The following KCNN3 variants were observed in gnomAD, a reference collection of about 807,000 sequenced individuals.
KCNN3 encodes potassium calcium-activated channel subfamily N member 3.
KCNN3 carries 16 observed loss-of-function variants against 62.9 expected under a neutral mutation model. The observed-to-expected ratio is 0.25, with a 90% CI of 0.17 to 0.39. The LOEUF is 0.39. Among genes scored for constraint, KCNN3 ranks in the 10% least tolerant of loss-of-function variants. The probability of loss-of-function intolerance (pLI) is 1.00; values close to 1 mark genes in which losing one functional copy is unlikely to be tolerated. For synonymous variants in KCNN3, 370 were observed against 389.2 expected (o/e 0.95, Z 0.58); for missense variants, 599 against 949.4 (o/e 0.63, Z 4.85).
chr1:154,846,604 G>A (rs1055524000), intron 1 of KCNN3, among the ~76,000 whole-genome samples: 25 of 152,144 alleles, frequency 1.6e-4, no homozygotes, highest in Non-Finnish European at 5.9e-5. Flanking sequence ...ACCGGGAGCC[G>A]ATTGCTCCCC....
chr1:154,866,253 T>C (rs1252875794), intron 1 of KCNN3, among the ~76,000 whole-genome samples: 1 of 152,192 alleles, frequency 6.6e-6, no homozygotes, highest in Non-Finnish European at 1.5e-5. Context: ...CTGTTAAAGC[T>C]CCAACTAATT....
At chr1:154,711,981 G>GGAAAGGGAGAGGAAGAGA (rs1329945738) in intron 7 of KCNN3, among the ~76,000 whole-genome samples, 4 of 149,090 alleles carry the variant, frequency 2.7e-5, no homozygotes, top group Non-Finnish European at 4.5e-5. Context: ...AGAGAGACAG[G>GGAAAGGGAGAGGAAGAGA]GAGACGGAGA....
chr1:154,841,195 TA>T (rs1248113445), intron 1 of KCNN3, among the ~76,000 whole-genome samples: 1 of 152,062 alleles, frequency 6.6e-6, no homozygotes, highest in Non-Finnish European at 1.5e-5. Flanking sequence ...GGTATAAAAA[TA>T]AAAACCTCAG....
Position 154,707,901 on chromosome 1 carries a change from T to C in KCNN3, c.*75A>G. 5 of 1,479,848 alleles carry C rather than the reference T, an allele frequency of 3.4e-6. No homozygotes were observed. Among genetic ancestry groups the C allele is most frequent in the South Asian group, 2.6e-5 (2 of 77,806 alleles). 91.7% of individuals were successfully genotyped at this position (1,479,848 alleles called of 1,614,324 possible). A position where few individuals can be genotyped will look rare whatever the true frequency, so the allele number is the denominator to read the frequency against. The stretch of plus-strand genomic sequence containing the variant: ...GTTCCCTGGTCTGAATGTTTCTTGA[T>C]GGCAAAGCGACCAGGAGAGAGTTGA... On this transcript the variant is annotated 3_prime_UTR_variant, in exon 8 of 8. Coordinates refer to ENST00000271915, the MANE Select transcript of KCNN3 (RefSeq NM_002249.6).
chr1:154,790,629 G>A (rs943779058), intron 2 of KCNN3, among the ~76,000 whole-genome samples: 2 of 152,178 alleles, frequency 1.3e-5, no homozygotes, highest in African/African-American at 2.4e-5. Flanking sequence ...ATATCATGCC[G>A]CATACCACTA....
chr1:154,742,454 G>C (rs1320573995), intron 3 of KCNN3, among the ~76,000 whole-genome samples: 1 of 152,196 alleles, frequency 6.6e-6, no homozygotes, highest in African/African-American at 2.4e-5. Context: ...CTGTAAAAGA[G>C]GATAATACTT....
At chr1:154,834,261 A>G (rs1449777983) in intron 1 of KCNN3, among the ~76,000 whole-genome samples, 1 of 152,216 alleles carries the variant, frequency 6.6e-6, no homozygotes, top group Non-Finnish European at 1.5e-5. Context: ...CCCATGTCCA[A>G]GCATGTTCAT....
At chr1:154,840,848 G>A (rs529076809) in intron 1 of KCNN3, among the ~76,000 whole-genome samples, 11 of 152,262 alleles carry the variant, frequency 7.2e-5, no homozygotes, top group African/African-American at 2.4e-4. Flanking sequence ...CCCCTCCCAC[G>A]CCTCTGCCCC....
chr1:154,839,031 T>C (rs2101909617), intron 1 of KCNN3, among the ~76,000 whole-genome samples: 1 of 152,272 alleles, frequency 6.6e-6, no homozygotes. Flanking sequence ...CCTCCCCATG[T>C]TGGAGGGCAG....
chr1:154,814,319 G>T (rs1650565099), intron 2 of KCNN3, among the ~76,000 whole-genome samples: 1 of 152,220 alleles, frequency 6.6e-6, no homozygotes, highest in Non-Finnish European at 1.5e-5. Flanking sequence ...CCTACTATGT[G>T]CTAGGCACTC....
intron 1 of KCNN3, among the ~76,000 whole-genome samples, chr1:154,833,900 G>C (rs1276748154): frequency 1.3e-5 from 2 of 152,184 alleles, no homozygotes; most frequent in Admixed American, 1.3e-4. Flanking sequence ...CAATACAAAA[G>C]CTTAAACATA....
intron 3 of KCNN3, among the ~76,000 whole-genome samples, chr1:154,749,511 G>T (rs774813223): frequency 6.6e-6 from 1 of 152,178 alleles, no homozygotes; most frequent in Non-Finnish European, 1.5e-5. Flanking sequence ...TCTTGTTTTT[G>T]TTTCCCAGAG....
At chr1:154,725,889 A>G in intron 5 of KCNN3, 27 bp downstream of exon 5, 1 of 1,573,418 alleles carries the variant, frequency 6.4e-7, no homozygotes, top group South Asian at 1.1e-5. Flanking sequence ...TAAGTCCCCC[A>G]TAAGACATGG....
At chr1:154,813,920 A>C (rs1209206988) in intron 2 of KCNN3, among the ~76,000 whole-genome samples, 1 of 152,264 alleles carries the variant, frequency 6.6e-6, no homozygotes, top group African/African-American at 2.4e-5. Flanking sequence ...TCTGAGGCAG[A>C]AAGGGTTAAG....
chr1:154,852,740 T>G (rs557973324), intron 1 of KCNN3, among the ~76,000 whole-genome samples: 19 of 152,340 alleles, frequency 1.2e-4, no homozygotes, highest in African/African-American at 4.3e-4. Flanking sequence ...ATTATTAACA[T>G]GTATAATTCT....
chr1:154,835,811 G>A (rs4845394), intron 1 of KCNN3, among the ~76,000 whole-genome samples: 57,840 of 152,118 alleles, frequency 0.38, 11,478 homozygotes, highest in Middle Eastern at 0.48. Flanking sequence ...CTGGGAGGTA[G>A]AGAGGACCAC....
intron 1 of KCNN3, among the ~76,000 whole-genome samples, chr1:154,866,099 C>T (rs898329937): frequency 2.6e-5 from 4 of 152,130 alleles, no homozygotes; most frequent in African/African-American, 9.7e-5. Context: ...CCACTTCCTC[C>T]ATGAAACTGG....
In KCNN3 at chr1:154,748,287, G is replaced by A. The variant is rs925151469; in HGVS notation, c.1449-15143C>T. Among the ~76,000 whole-genome samples the A allele has an allele frequency of 3.9e-5, 6 of 152,214 alleles. No individual in the cohort carries two copies. The South Asian group carries it at 6.2e-4, about 16-fold the overall frequency. ...ACCCGCCCGGGGCCCTCAGTCTGCC[G>A]CCCGCGCCTGCAAGCTTTCTCTCTC... is the stretch of plus-strand genomic sequence containing the variant. On this transcript the variant is annotated intron_variant, in intron 3 of 7. Transcript: ENST00000271915.
chr1:154,714,770 G>A (rs967593218), intron 6 of KCNN3, 106 bp downstream of exon 6: 3 of 1,469,688 alleles, frequency 2.0e-6, no homozygotes, highest in East Asian at 4.6e-5. Flanking sequence ...CACTCCACTT[G>A]TTGAGTGGAA....
Sources: allele counts gnomAD v4.1 joint callset (sites outside exome capture counted in the v4.1 genomes callset), GRCh38; gene constraint gnomAD v4.1.1; transcripts MANE v1.5; gene names NCBI Gene and HGNC (gene_info 2026-07-23, HGNC 2026-07-21).